EP400: variants seen among roughly 807,000 people sequenced by gnomAD.
EP400 encodes E1A-binding protein p400.
In EP400, 105 loss-of-function variants were observed where a neutral mutation model predicts 354.1. The ratio of observed to expected loss-of-function variants is 0.30; its 90% confidence interval spans 0.25 to 0.35. EP400 has a LOEUF of 0.35. EP400 is among the 10% of genes least tolerant of loss of function. EP400 has a pLI of 1.00. For synonymous variants in EP400, 1,646 were observed against 1,716.9 expected (o/e 0.96, Z 1.02); for missense variants, 3,280 against 4,121.0 (o/e 0.80, Z 5.59).
At position 131,977,313 on chromosome 12, in the gene EP400, T is replaced by C. The variant is rs372683997; in HGVS notation, c.1336-2381T>C. Among the ~76,000 whole-genome samples, 28 of 151,602 alleles carry C rather than the reference T, an allele frequency of 1.8e-4. No homozygotes were observed. The East Asian group carries it at 4.9e-3, about 26-fold the overall frequency. Reference sequence around the variant, plus strand: ...CACCGCGTCTGACTAATTTTTTTTTTTTTTTGTATTTTTAGTAGAGACGGA... The same window carrying C: ...CACCGCGTCTGACTAATTTTTTTTTCTTTTTGTATTTTTAGTAGAGACGGA... On this transcript the variant is annotated intron_variant, in intron 2 of 52. Transcript: ENST00000389561.
At chr12:131,973,988 A>ATTTTTTTT (rs57974341) in intron 2 of EP400, among the ~76,000 whole-genome samples, 1 of 128,748 alleles carries the variant, frequency 7.8e-6, no homozygotes. Context: ...ATGTGTTTGT[A>ATTTTTTTT]TTTTTTTTTT....
chr12:132,021,443 C>T (rs1894119751), intron 23 of EP400, 122 bp downstream of exon 23: 6 of 1,338,756 alleles, frequency 4.5e-6, no homozygotes, highest in Non-Finnish European at 5.9e-6. Context: ...AGCCCCATGC[C>T]CGGTGCTGCC....
Position 132,021,227 on chromosome 12 carries a change from C to T in EP400, c.4596C>T (p.Pro1532=). 6.3e-7 allele frequency: 1 copy of T among 1,576,216 alleles called. No individual in the cohort carries two copies. Among genetic ancestry groups the T allele is most frequent in the Non-Finnish European group, 8.6e-7 (1 of 1,168,436 alleles). ...TTAQASTPGQ[P]PPQPQAPSHA... ...CACAGGCCTCCACCCCAGGCCAGCC[C>T]CCGCCCCAGCCCCAGGCCCCCTCGC... The change falls in exon 23 of 53, where the codon CCC becomes CCT. Residue 1532 remains proline, a synonymous_variant. Coordinates refer to ENST00000389561, the MANE Select transcript of EP400 (RefSeq NM_015409.5).
At position 131,978,377 on chromosome 12, in the gene EP400, G is replaced by A. The variant is rs927932347; in HGVS notation, c.1336-1317G>A. Among the ~76,000 whole-genome samples the A allele has an allele frequency of 1.2e-4, 19 of 152,054 alleles. No homozygotes were observed. In the East Asian group the frequency reaches 1.7e-3, roughly 14 times the overall value. On this transcript the variant is annotated intron_variant, in intron 2 of 52. Coordinates refer to ENST00000389561, the MANE Select transcript of EP400 (RefSeq NM_015409.5). ...AGTTTCACCGCCCTAGAAATGTCCC[G>A]TGCTCACCTATTCACCTCCTCCCCT...
In EP400 at chr12:132,069,711, C is replaced by A; in HGVS notation, c.9021+70C>A. 6.3e-6 allele frequency: 10 copies of A among 1,583,018 alleles called. 1 individual carries two copies. In the Admixed American group the frequency reaches 1.6e-4, roughly 25 times the overall value. ...CCCGGCCTTTGGATTGTGTGTCTCG[C>A]GGGCTTTGCGAGCTCCCAGCCCTTG... On this transcript the variant is annotated intron_variant, in intron 51 of 52. Coordinates refer to ENST00000389561, the MANE Select transcript of EP400 (RefSeq NM_015409.5).
chr12:132,059,922 C>A (rs953159556), intron 45 of EP400, among the ~76,000 whole-genome samples: 3 of 151,476 alleles, frequency 2.0e-5, no homozygotes, highest in African/African-American at 7.3e-5. Flanking sequence ...ACTCGGGAGG[C>A]TGAGGCAGGA....
At chr12:131,960,138 C>T (rs1403148108) in intron 1 of EP400, among the ~76,000 whole-genome samples, 1 of 152,190 alleles carries the variant, frequency 6.6e-6, no homozygotes, top group African/African-American at 2.4e-5. Flanking sequence ...AAGTCCACAG[C>T]GTGAATGTTG....
At chr12:132,057,186 C>T (rs139224524) in intron 45 of EP400, among the ~76,000 whole-genome samples, 2 of 152,282 alleles carry the variant, frequency 1.3e-5, no homozygotes, top group East Asian at 1.9e-4. Context: ...GAAGTGAAAA[C>T]GCCAGAACAA....
At position 132,011,567 on chromosome 12, in the gene EP400, G is replaced by A. The variant is rs760368735; in HGVS notation, c.3374G>A (p.Arg1125His). The change falls in exon 16 of 53, where the codon CGT (arginine) becomes CAT (histidine). Residue 1125 changes from arginine (R) to histidine (H), a missense_variant. Arg to His is a conservative substitution (Grantham distance 29, BLOSUM62 0). This residue lies in a region of EP400 where 242 missense variants were observed against 357.9 expected (regional missense o/e 0.68). Transcript: ENST00000389561. The stretch of plus-strand genomic sequence containing the variant: ...CTCAAGTGGGAGCTTGAATTGAAAC[G>A]TTGGTGTCCCGGACTCAAAATCCTC... Reference protein sequence around the residue: ...NILKWELELKRWCPGLKILSY... With the variant: ...NILKWELELKHWCPGLKILSY... 1.4e-5 allele frequency: 22 copies of A among 1,613,976 alleles called. No individual in the cohort carries two copies. The highest frequency in any genetic ancestry group is 1.1e-4 in the East Asian group (5 of 44,888).
In EP400 at chr12:131,994,876, A is replaced by G. The variant is rs745952252; in HGVS notation, c.2747A>G (p.Glu916Gly). 1.2e-6 allele frequency: 2 copies of G among 1,614,026 alleles called. No homozygotes were observed. The change falls in exon 12 of 53, where the codon GAA becomes GGA. Residue 916 changes from glutamate to glycine, a missense_variant. By Grantham distance (98) the Glu-to-Gly change is moderately conservative. Around this residue, in one of 20 missense-constraint regions of EP400, gnomAD observed 800 missense variants for 840.0 expected, o/e 0.95. Transcript: ENST00000389561. The surrounding 1 kb of genome is among the most constrained non-coding windows in gnomAD (Gnocchi z 4.6). ...ISLTDDEVDD[E>G]EETIEEEEAN... ...CTGATAACCATTTTAGTGGACGATGAAGAGGAAACAATTGAAGAGGAGGAA... is the reference window on the plus strand; with the variant it reads ...CTGATAACCATTTTAGTGGACGATGGAGAGGAAACAATTGAAGAGGAGGAA...
chr12:132,074,833 T>C (rs1177313263), intron 51 of EP400, among the ~76,000 whole-genome samples: 2 of 152,200 alleles, frequency 1.3e-5, no homozygotes, highest in African/African-American at 2.4e-5. Flanking sequence ...CTGGTCTTTG[T>C]TTATAGTCTC....
rs149513468 is a variant in EP400 at position 132,063,742 on chromosome 12, T to C, written c.8335-926T>C. On this transcript the variant is annotated intron_variant, in intron 47 of 52. Transcript: ENST00000389561. Reference sequence around the variant, plus strand: ...CCTCCTGGGGCTGTCGGGAGGGCTGTCGGTGGAATTTAGACATTGAGCTTA... The same window carrying C: ...CCTCCTGGGGCTGTCGGGAGGGCTGCCGGTGGAATTTAGACATTGAGCTTA... Among the ~76,000 whole-genome samples the C allele has an allele frequency of 9.8e-3, 1,493 of 152,158 alleles. 30 individuals carry two copies. Among genetic ancestry groups the C allele is most frequent in the African/African-American group, 0.033 (1,375 of 41,494 alleles).
At chr12:132,030,999 C>T (rs1250033622) in intron 29 of EP400, among the ~76,000 whole-genome samples, 2 of 152,130 alleles carry the variant, frequency 1.3e-5, no homozygotes, top group Non-Finnish European at 2.9e-5. Flanking sequence ...CTCATGTACA[C>T]GCTGGAGAGG....
At position 132,053,441 on chromosome 12, in the gene EP400, G is replaced by T; in HGVS notation, c.7572G>T (p.Pro2524=). 9.1e-7 allele frequency: 1 copy of T among 1,095,270 alleles called. No individual in the cohort carries two copies. Among genetic ancestry groups the T allele is most frequent in the African/African-American group, 2.6e-5 (1 of 38,652 alleles). The allele number at this position is 1,095,270 out of a possible 1,614,324, so 67.8% of individuals were successfully genotyped here. The change falls in exon 43 of 53, where the codon CCG becomes CCT. Residue 2524 remains proline (P), a synonymous_variant. Coordinates refer to ENST00000389561, the MANE Select transcript of EP400 (RefSeq NM_015409.5). ...CACCCCCGCAGCAGCCACCGCCACC[G>T]CTGCCACAACCACAGGCAGCGGGCA... ...PPPPPQQPPP[P]LPQPQAAGSQ...
intron 2 of EP400, among the ~76,000 whole-genome samples, chr12:131,977,311 T>C (rs1892516672): frequency 6.6e-6 from 1 of 151,594 alleles, no homozygotes; most frequent in African/African-American, 2.4e-5. Flanking sequence ...TAATTTTTTT[T>C]TTTTTTTGTA....
At chr12:132,031,610 G>A (rs1261879389) in intron 29 of EP400, among the ~76,000 whole-genome samples, 1 of 152,214 alleles carries the variant, frequency 6.6e-6, no homozygotes, top group East Asian at 1.9e-4. Context: ...CGAGGCTGGA[G>A]TACAGTGGCG....
Position 131,982,486 on chromosome 12 carries a change from A to G in EP400, c.1929+8A>G. 7 of 1,588,424 alleles carry G rather than the reference A, an allele frequency of 4.4e-6. No homozygotes were observed. The highest frequency in any genetic ancestry group is 6.0e-6 in the Non-Finnish European group (7 of 1,164,304). ...CTTTCCTCCCTGCCACAGGTATGAG[A>G]AAAGATAGAGGAAAAAAAGAAAATG... is the stretch of plus-strand genomic sequence containing the variant. On this transcript the variant is annotated splice_region_variant and intron_variant, in intron 5 of 52. Coordinates refer to ENST00000389561, the MANE Select transcript of EP400 (RefSeq NM_015409.5).
At chr12:132,072,784 C>T (rs1439565501) in intron 51 of EP400, among the ~76,000 whole-genome samples, 1 of 152,204 alleles carries the variant, frequency 6.6e-6, no homozygotes, top group Non-Finnish European at 1.5e-5. Flanking sequence ...TTATCTGTTT[C>T]TTCTTACCTT....
At chr12:131,976,726 A>G (rs1892488357) in intron 2 of EP400, among the ~76,000 whole-genome samples, 1 of 152,178 alleles carries the variant, frequency 6.6e-6, no homozygotes, top group African/African-American at 2.4e-5. Context: ...ACAAAAAACA[A>G]AAACGCCAAA....
Sources: allele counts gnomAD v4.1 joint callset (sites outside exome capture counted in the v4.1 genomes callset), GRCh38; gene constraint gnomAD v4.1.1; regional missense constraint gnomAD v4.1.1; non-coding constraint Gnocchi (gnomAD v3.1); transcripts MANE v1.5; gene names NCBI Gene and HGNC (gene_info 2026-07-23, HGNC 2026-07-21).